DYNC2H1: variants seen among roughly 807,000 people sequenced by gnomAD.
DYNC2H1 encodes the protein dynein cytoplasmic 2 heavy chain 1.
DYNC2H1 carries 410 observed loss-of-function variants against 570.0 expected under a neutral mutation model. The ratio of observed to expected loss-of-function variants is 0.72; its 90% CI spans 0.66 to 0.78. The LOEUF is 0.78. Among genes scored for constraint, DYNC2H1 ranks in the 30% least tolerant of loss-of-function variants. The pLI is 0.00. For synonymous variants in DYNC2H1, 1,688 were observed against 1,677.6 expected, an observed-to-expected ratio of 1.01 and a Z score of -0.15; for missense variants, 4,865 against 5,046.4, an observed-to-expected ratio of 0.96 and a Z score of 1.09.
chr11:103,225,335 G>A (rs116301820), intron 59 of DYNC2H1, among the ~76,000 whole-genome samples: 2,313 of 152,248 alleles, frequency 0.015, 61 homozygotes, highest in African/African-American at 0.052. Context: ...CTAAGCCAAT[G>A]TCTATAAGGG....
chr11:103,180,290 A>G (rs1462777737), intron 39 of DYNC2H1, among the ~76,000 whole-genome samples: 6 of 151,614 alleles, frequency 4.0e-5, no homozygotes, highest in South Asian at 2.1e-4. Flanking sequence ...GCACCTGAGG[A>G]GAGAGAGAGC....
chr11:103,358,435 G>C (rs1050966619), intron 83 of DYNC2H1, 76 bp downstream of exon 83: 4 of 1,026,176 alleles, frequency 3.9e-6, no homozygotes, highest in Admixed American at 2.0e-5. Context: ...ATTTCTGCCT[G>C]AGTCATACAA....
At chr11:103,294,159 A>G (rs1166298686) in intron 75 of DYNC2H1, among the ~76,000 whole-genome samples, 1 of 152,138 alleles carries the variant, frequency 6.6e-6, no homozygotes, top group African/African-American at 2.4e-5. Context: ...GCTGTTTTGA[A>G]TTTCTTGTCG....
At position 103,203,864 on chromosome 11, in the gene DYNC2H1, C is replaced by A; in HGVS notation, c.8311+88C>A. ...TTTGCCTTATTTTGTCATTAGATTG[C>A]AAAGGTATCTTAAATCTTTTTTCTG... On this transcript the variant is annotated intron_variant, in intron 51 of 88. Coordinates refer to ENST00000375735, the MANE Select transcript of DYNC2H1 (RefSeq NM_001377.3). The surrounding 1 kb of genome is among the most constrained non-coding windows in gnomAD (Gnocchi z 4.7). 1.2e-6 allele frequency: 1 copy of A among 863,360 alleles called. No individual in the cohort carries two copies. Among genetic ancestry groups the A allele is most frequent in the Non-Finnish European group, 1.7e-6 (1 of 578,180 alleles). The allele number at this position is 863,360 out of a possible 1,614,324, so 53.5% of individuals were successfully genotyped here. A position where few individuals can be genotyped will look rare whatever the true frequency, so the allele number is the denominator to read the frequency against.
chr11:103,166,014 C>T lies in DYNC2H1; in HGVS notation c.4728C>T (p.Asn1576=), dbSNP rs72989738. The part of the protein sequence containing the change: ...QLVNKLEQYT[N]IDTSSEDPGN... ...TGAATAAGTTAGAGCAATATACTAA[C>T]ATTGATACAAGTTCTGAGGATCCAG... The change falls in exon 31 of 89, where the codon AAC becomes AAT. Residue 1576 remains asparagine (N), a synonymous_variant. Transcript: ENST00000375735. 7 of 1,532,988 alleles carry T rather than the reference C, an allele frequency of 4.6e-6. No homozygotes were observed. In the Admixed American group the frequency reaches 1.2e-4, roughly 27 times the overall value. The allele number at this position is 1,532,988 out of a possible 1,614,324, so 95.0% of individuals were successfully genotyped here. A position where few individuals can be genotyped will look rare whatever the true frequency, so the allele number is the denominator to read the frequency against.
At chr11:103,207,304 G>A (rs887581052) in intron 52 of DYNC2H1, among the ~76,000 whole-genome samples, 1 of 148,296 alleles carries the variant, frequency 6.7e-6, no homozygotes, top group Admixed American at 6.8e-5. Flanking sequence ...TAATAGGGAA[G>A]CAAAAAATAT....
chr11:103,341,566 A>AT (rs369481760), intron 82 of DYNC2H1, among the ~76,000 whole-genome samples: 191 of 152,178 alleles, frequency 1.3e-3, no homozygotes, highest in Middle Eastern at 0.01. Flanking sequence ...TGGAATCTAT[A>AT]TTTTTTTACA....
At position 103,303,254 on chromosome 11, in the gene DYNC2H1, G is replaced by A. The variant is rs543946816; in HGVS notation, c.11256+1G>A. On this transcript the variant is annotated splice_donor_variant, in intron 76 of 88. Transcript: ENST00000375735. LOFTEE classifies it high-confidence loss of function. ...AAGAAGCGGAGAGTGTTATCACCAG[G>A]TAAGTACATATTGTCCCGCTGTTTT... 2 of 1,610,642 alleles carry A rather than the reference G, an allele frequency of 1.2e-6. No homozygotes were observed. Among genetic ancestry groups the A allele is most frequent in the Non-Finnish European group, 1.7e-6 (2 of 1,177,830 alleles).
At chr11:103,355,324 A>G (rs1252723896) in intron 82 of DYNC2H1, among the ~76,000 whole-genome samples, 2 of 152,190 alleles carry the variant, frequency 1.3e-5, no homozygotes, top group Non-Finnish European at 2.9e-5. Flanking sequence ...TATTCCAAAA[A>G]AGAATTACTG....
intron 84 of DYNC2H1, chr11:103,407,125 A>G (rs1210508487): frequency 3.3e-5 from 5 of 151,544 alleles, no homozygotes; most frequent in Admixed American, 6.6e-5. Context: ...TTGGAGTAAG[A>G]GCTAATATGT....
intron 13 of DYNC2H1, among the ~76,000 whole-genome samples, chr11:103,130,617 T>C (rs886791619): frequency 3.6e-4 from 50 of 140,174 alleles, no homozygotes; most frequent in African/African-American, 1.2e-3. Context: ...TATTTTTCTA[T>C]GCAAATTTTT....
intron 84 of DYNC2H1, among the ~76,000 whole-genome samples, chr11:103,429,603 A>G (rs769888545): frequency 2.0e-5 from 3 of 152,186 alleles, no homozygotes; most frequent in Admixed American, 6.5e-5. Flanking sequence ...TTAAGCATAG[A>G]TAGTAAGGGC....
At chr11:103,355,614 G>A (rs780327120) in intron 82 of DYNC2H1, among the ~76,000 whole-genome samples, 1 of 152,172 alleles carries the variant, frequency 6.6e-6, no homozygotes, top group East Asian at 1.9e-4. Context: ...GGAAACATAG[G>A]TGTTCCTGAA....
chr11:103,273,075 TA>T (rs61550057), intron 70 of DYNC2H1, among the ~76,000 whole-genome samples: 8,513 of 149,922 alleles, frequency 0.057, 317 homozygotes, highest in Middle Eastern at 0.12. Context: ...ACAGTTTTTT[TA>T]AAAAAAAAAC....
At chr11:103,424,333 G>A (rs763242267) in intron 84 of DYNC2H1, among the ~76,000 whole-genome samples, 2 of 152,056 alleles carry the variant, frequency 1.3e-5, no homozygotes, top group African/African-American at 2.4e-5. Flanking sequence ...AAATTAAAAA[G>A]CCAAATGGTA....
In DYNC2H1 at chr11:103,395,675, GTC is replaced by G. The variant is rs1942368475; in HGVS notation, c.12157-3984_12157-3983del. Among the ~76,000 whole-genome samples the G allele has an allele frequency of 6.6e-6, 1 of 152,030 alleles. No individual in the cohort carries two copies. The highest frequency in any genetic ancestry group is 1.5e-5 in the Non-Finnish European group (1 of 67,998). Reference sequence around the variant, plus strand: ...AGCAGAATTCTTACCACATTTCATTGTCTCTGTTTGGTCATGCTGCCATCCCT... The same window carrying G: ...AGCAGAATTCTTACCACATTTCATTGTCTGTTTGGTCATGCTGCCATCCCT... On this transcript the variant is annotated intron_variant, in intron 83 of 88. Coordinates refer to ENST00000375735, the MANE Select transcript of DYNC2H1 (RefSeq NM_001377.3). This position sits in a 1 kb window ranked among gnomAD's most constrained non-coding sequence, Gnocchi z 4.3.
At chr11:103,362,265 G>A (rs1446227996) in intron 83 of DYNC2H1, among the ~76,000 whole-genome samples, 1 of 150,108 alleles carries the variant, frequency 6.7e-6, no homozygotes, top group Admixed American at 6.6e-5. Flanking sequence ...TTTGCTAAAT[G>A]AGGGATCAAT....
intron 83 of DYNC2H1, among the ~76,000 whole-genome samples, chr11:103,388,829 AGC>A (rs1565552400): frequency 6.6e-6 from 1 of 152,242 alleles, no homozygotes; most frequent in African/African-American, 2.4e-5. Flanking sequence ...ATGTTGTACC[AGC>A]CTTGCATCCC....
chr11:103,407,663 G>C (rs897751945), intron 84 of DYNC2H1: 1 of 151,868 alleles, frequency 6.6e-6, no homozygotes, highest in African/African-American at 2.4e-5. Flanking sequence ...AGTGCTCCTA[G>C]AAAAATAGTA....
Sources: allele counts gnomAD v4.1 joint callset (sites outside exome capture counted in the v4.1 genomes callset), GRCh38; gene constraint gnomAD v4.1.1; non-coding constraint Gnocchi (gnomAD v3.1); transcripts MANE v1.5; gene names NCBI Gene and HGNC (gene_info 2026-07-23, HGNC 2026-07-21).